Variants in TTLL9 observed in about 807,000 individuals in gnomAD.
The protein encoded by TTLL9 is tubulin tyrosine ligase like 9.
TTLL9 carries 47 observed loss-of-function variants against 65.6 expected under a neutral mutation model. That is an observed-to-expected ratio of 0.72 (90% confidence interval 0.57 to 0.91). The LOEUF (loss-of-function observed/expected upper bound fraction) is 0.91, where lower values mean the gene tolerates loss of function less well. TTLL9 is among the 40% of genes least tolerant of loss of function. The probability of loss-of-function intolerance (pLI) is 0.00; values close to 1 mark genes in which losing one functional copy is unlikely to be tolerated. For synonymous variants in TTLL9, 179 were observed against 204.8 expected (o/e 0.87, Z 1.07); for missense variants, 537 against 568.8 (o/e 0.94, Z 0.57).
At chr20:31,925,163 C>T in intron 9 of TTLL9, 114 bp downstream of exon 9, 2 of 1,144,430 alleles carry the variant, frequency 1.7e-6, no homozygotes, top group East Asian at 4.8e-5. Flanking sequence ...GGTTTTATCT[C>T]TCCCTGGGAG....
At chr20:31,879,272 G>C (rs1471294968) in intron 2 of TTLL9, among the ~76,000 whole-genome samples, 2 of 152,226 alleles carry the variant, frequency 1.3e-5, no homozygotes, top group Non-Finnish European at 2.9e-5. Flanking sequence ...AGTGAGCCCA[G>C]ATCGCGCCAA....
chr20:31,898,409 T>C, intron 3 of TTLL9, 64 bp from the exon 4 acceptor site: 2 of 1,456,596 alleles, frequency 1.4e-6, no homozygotes, highest in South Asian at 2.3e-5. Flanking sequence ...CCTTTTTTCC[T>C]CTCCTTGCGC....
intron 3 of TTLL9, among the ~76,000 whole-genome samples, chr20:31,891,435 A>T (rs190328647): frequency 7.1e-4 from 108 of 151,510 alleles, no homozygotes; most frequent in African/African-American, 2.4e-3. Flanking sequence ...GGTCTATTGC[A>T]TGTATTTTTA....
intron 8 of TTLL9, among the ~76,000 whole-genome samples, chr20:31,924,501 T>G (rs1039023011): frequency 6.6e-6 from 1 of 152,146 alleles, no homozygotes; most frequent in African/African-American, 2.4e-5. Flanking sequence ...CTTTGACCAC[T>G]GAGTTTCAAG....
chr20:31,881,410 A>G (rs973045416), intron 2 of TTLL9, among the ~76,000 whole-genome samples: 2 of 79,474 alleles, frequency 2.5e-5, no homozygotes, highest in Non-Finnish European at 6.5e-5. Context: ...TGCTCAGCTA[A>G]AAAACTGGGA....
intron 10 of TTLL9, 147 bp from the exon 11 acceptor site, chr20:31,933,653 G>T: frequency 1.5e-6 from 1 of 665,948 alleles, no homozygotes. Flanking sequence ...TTTGAATCCA[G>T]GCCCATCTGA....
chr20:31,938,946 G>T (rs759223273), intron 13 of TTLL9, among the ~76,000 whole-genome samples, 196 bp from the exon 14 acceptor site: 10 of 152,156 alleles, frequency 6.6e-5, no homozygotes, highest in Non-Finnish European at 1.3e-4. Context: ...AGTAGGAGGA[G>T]CCTTGGGGGA....
intron 2 of TTLL9, among the ~76,000 whole-genome samples, chr20:31,873,729 AGAAAGAAAAAGG>A (rs1299791647): frequency 6.3e-5 from 8 of 127,100 alleles, no homozygotes; most frequent in East Asian, 6.0e-4. Flanking sequence ...AAAGAAAGAA[AGAAAGAAAAAGG>A]AAGGAAGGAA....
intron 3 of TTLL9, 126 bp downstream of exon 3, chr20:31,887,365 T>A: frequency 1.8e-6 from 2 of 1,093,034 alleles, no homozygotes; most frequent in South Asian, 2.9e-5. Flanking sequence ...GAAGGAGTAA[T>A]GCTAAACCAT....
chr20:31,915,199 C>T (rs576038569), intron 6 of TTLL9, among the ~76,000 whole-genome samples: 22 of 152,286 alleles, frequency 1.4e-4, no homozygotes, highest in Middle Eastern at 6.8e-3. Context: ...ATGTGAAAAT[C>T]GGCCGGGCGC....
chr20:31,915,581 C>T (rs934328488), intron 6 of TTLL9, among the ~76,000 whole-genome samples: 3 of 152,124 alleles, frequency 2.0e-5, no homozygotes, highest in Admixed American at 6.5e-5. Flanking sequence ...TTTGTGTATC[C>T]CCGGCACTTT....
At chr20:31,877,619 C>A (rs1436461977) in intron 2 of TTLL9, among the ~76,000 whole-genome samples, 2 of 151,884 alleles carry the variant, frequency 1.3e-5, no homozygotes, top group Admixed American at 6.6e-5. Flanking sequence ...ATTTTTCAAC[C>A]CTATGGAAAG....
chr20:31,871,015 C>T, intron 1 of TTLL9, 66 bp downstream of exon 1: 1 of 1,061,044 alleles, frequency 9.4e-7, no homozygotes, highest in Non-Finnish European at 1.5e-6. Flanking sequence ...CAGCCTTCCT[C>T]CTTTCCCATC....
intron 14 of TTLL9, 52 bp downstream of exon 14, chr20:31,939,318 A>C: frequency 6.2e-7 from 1 of 1,601,482 alleles, no homozygotes; most frequent in East Asian, 2.3e-5. Flanking sequence ...CATGGGAGGT[A>C]CCAGGTAGTC....
At chr20:31,884,576 C>G (rs979654254) in intron 2 of TTLL9, among the ~76,000 whole-genome samples, 15 of 152,160 alleles carry the variant, frequency 9.9e-5, no homozygotes, top group African/African-American at 3.6e-4. Context: ...TCTCGCTGGG[C>G]TAAAATCAAG....
chr20:31,880,483 G>C (rs6058480), intron 2 of TTLL9, among the ~76,000 whole-genome samples: 59,561 of 151,084 alleles, frequency 0.39, 13,172 homozygotes, highest in African/African-American at 0.59. Context: ...TCAGCTCTCC[G>C]CACCCCAACC....
intron 3 of TTLL9, among the ~76,000 whole-genome samples, chr20:31,889,954 G>T (rs2063261490): frequency 2.0e-5 from 3 of 151,524 alleles, no homozygotes; most frequent in Admixed American, 2.0e-4. Context: ...GGGGAGGGAA[G>T]AATCAAGCCA....
At chr20:31,899,596 A>G (rs1568771165) in intron 4 of TTLL9, among the ~76,000 whole-genome samples, 1 of 151,820 alleles carries the variant, frequency 6.6e-6, no homozygotes, top group Non-Finnish European at 1.5e-5. Flanking sequence ...ATCACACCAT[A>G]GCACTCCAGC....
chr20:31,934,777 T>C lies in TTLL9; in HGVS notation c.893T>C (p.Ile298Thr). ...GCAGTGGAGACACTCTTCAGGGACATCGACAACATCTTTGTCAAAAGCCTG... is the reference window on the plus strand; with the variant it reads ...GCAGTGGAGACACTCTTCAGGGACACCGACAACATCTTTGTCAAAAGCCTG... ...PEAVETLFRD[I>T]DNIFVKSLQS... Residue 298 changes from isoleucine to threonine, a missense_variant, in exon 12 of 15, where the codon ATC (isoleucine) becomes ACC (threonine). Ile to Thr is a moderately conservative substitution (Grantham distance 89). Coordinates refer to ENST00000535842, the MANE Select transcript of TTLL9 (RefSeq NM_001008409.5). 6.2e-7 allele frequency: 1 copy of C among 1,613,684 alleles called. No homozygotes were observed. Among genetic ancestry groups the C allele is most frequent in the African/African-American group, 1.3e-5 (1 of 75,056 alleles).
Sources: gnomAD v4.1 joint callset for allele counts (sites outside exome capture counted in the v4.1 genomes callset) on GRCh38, gnomAD v4.1.1 for gene constraint, MANE v1.5 for transcripts, NCBI Gene and HGNC (gene_info 2026-07-23, HGNC 2026-07-21) for gene names.